The following EPSTI1 variants were observed in gnomAD, a reference collection of about 807,000 sequenced individuals.
EPSTI1 encodes the protein epithelial stromal interaction 1.
EPSTI1 carries 66 observed loss-of-function variants against 49.9 expected under a neutral mutation model. That is an observed-to-expected ratio of 1.32 (90% CI 1.08 to 1.62). The LOEUF (loss-of-function observed/expected upper bound fraction) is 1.62. Ranked by LOEUF, EPSTI1 falls within the 40% of genes most tolerant of loss-of-function variation. EPSTI1 has a pLI of 0.00. For synonymous variants in EPSTI1, 137 were observed against 130.7 expected, an observed-to-expected ratio of 1.05 and a Z score of -0.33; for missense variants, 394 against 365.5, an observed-to-expected ratio of 1.08 and a Z score of -0.64.
intron 5 of EPSTI1, among the ~76,000 whole-genome samples, chr13:42,958,810 T>C (rs1359183): frequency 0.55 from 83,184 of 151,612 alleles, 23,547 homozygotes; most frequent in East Asian, 0.76. Context: ...ATGCTGGGCA[T>C]TGGGCATTGT....
chr13:42,918,991 GAGA>G (rs906097409), intron 7 of EPSTI1, among the ~76,000 whole-genome samples: 3 of 152,044 alleles, frequency 2.0e-5, no homozygotes, highest in African/African-American at 7.2e-5. Flanking sequence ...AAGGAAAGGA[GAGA>G]AGAAGAAAGG....
intron 1 of EPSTI1, among the ~76,000 whole-genome samples, chr13:42,982,598 G>A (rs965414644): frequency 1.3e-5 from 2 of 152,166 alleles, no homozygotes; most frequent in Non-Finnish European, 2.9e-5. Flanking sequence ...TGTCATTTGT[G>A]AAAAGCAGCA....
intron 5 of EPSTI1, 96 bp downstream of exon 5, chr13:42,963,159 G>A (rs201249890): frequency 3.1e-6 from 3 of 962,854 alleles, no homozygotes; most frequent in Admixed American, 2.3e-5. Context: ...GAGAGAGAAA[G>A]ATGGATAAAT....
intron 9 of EPSTI1, among the ~76,000 whole-genome samples, chr13:42,895,504 G>A (rs1316689124): frequency 2.6e-5 from 4 of 152,186 alleles, no homozygotes; most frequent in Non-Finnish European, 5.9e-5. Flanking sequence ...TAGCTCTATG[G>A]CATTATTGTT....
intron 6 of EPSTI1, among the ~76,000 whole-genome samples, chr13:42,931,625 A>C (rs1227933117): frequency 6.6e-6 from 1 of 152,196 alleles, no homozygotes; most frequent in African/African-American, 2.4e-5. Context: ...TTTGGTGTTT[A>C]TGTTTTTTAA....
chr13:42,963,618 G>GGT (rs1006184444), intron 4 of EPSTI1: 9 of 417,658 alleles, frequency 2.2e-5, no homozygotes, highest in African/African-American at 4.2e-5. Context: ...ATGTGTGTGT[G>GGT]GTGTGTGTGT....
In EPSTI1 at chr13:42,917,615, A is replaced by C; in HGVS notation, c.667T>G (p.Trp223Gly). ...GPQSSTWARS[W>G]AYRDSLKAEE... is the part of the protein sequence containing the mutation. ...GCCTTTAGAGAATCTCTGTAAGCCC[A>C]GCTTCTGGCCTGTAAAGGTACAAAG... The change falls in exon 8 of 11, where the codon TGG (tryptophan) becomes GGG (glycine). Residue 223 changes from tryptophan to glycine, a missense_variant. Physicochemically the swap from Trp to Gly is radical, Grantham distance 184. Coordinates refer to ENST00000313624, the MANE Select transcript of EPSTI1 (RefSeq NM_033255.5). 1.1e-6 allele frequency: 1 copy of C among 932,398 alleles called. No homozygotes were observed. The allele number at this position is 932,398 out of a possible 1,614,324, so 57.8% of individuals were successfully genotyped here.
At chr13:42,911,242 A>AGTGT (rs1416712540) in intron 8 of EPSTI1, among the ~76,000 whole-genome samples, 3 of 122,068 alleles carry the variant, frequency 2.5e-5, no homozygotes, top group Admixed American at 8.5e-5. Context: ...GGAGAGAGAG[A>AGTGT]GAGTGTGTGT....
At chr13:42,911,661 C>T (rs983038697) in intron 8 of EPSTI1, among the ~76,000 whole-genome samples, 1 of 152,084 alleles carries the variant, frequency 6.6e-6, no homozygotes, top group Non-Finnish European at 1.5e-5. Flanking sequence ...TGGTTCTAGT[C>T]CCTCATTTCT....
intron 8 of EPSTI1, among the ~76,000 whole-genome samples, chr13:42,914,882 A>T (rs1284882850): frequency 6.6e-6 from 1 of 152,224 alleles, no homozygotes; most frequent in Non-Finnish European, 1.5e-5. Context: ...AAGAGGAATT[A>T]CAAATAAGTT....
chr13:42,917,434 G>T, intron 8 of EPSTI1, 107 bp downstream of exon 8: 1 of 995,528 alleles, frequency 1.0e-6, no homozygotes. Context: ...TTGTATTCTT[G>T]TTTTCAGGAT....
chr13:42,908,234 C>G (rs1403347090), intron 8 of EPSTI1, among the ~76,000 whole-genome samples: 1 of 152,086 alleles, frequency 6.6e-6, no homozygotes, highest in Non-Finnish European at 1.5e-5. Context: ...GCCTGTAATC[C>G]CCACCCTTTG....
At chr13:42,902,526 G>T (rs994294796) in intron 8 of EPSTI1, among the ~76,000 whole-genome samples, 4 of 152,036 alleles carry the variant, frequency 2.6e-5, no homozygotes, top group African/African-American at 9.7e-5. Context: ...TTGGCTTATG[G>T]CTTTTTAAAA....
intron 10 of EPSTI1, among the ~76,000 whole-genome samples, chr13:42,892,226 C>T (rs2153408195): frequency 6.6e-6 from 1 of 152,332 alleles, no homozygotes; most frequent in South Asian, 2.1e-4. Context: ...TCGGCTTTTA[C>T]TCCAAGTGAT....
intron 1 of EPSTI1, among the ~76,000 whole-genome samples, chr13:42,981,173 C>T (rs1329837673): frequency 2.0e-5 from 3 of 152,128 alleles, no homozygotes; most frequent in Non-Finnish European, 4.4e-5. Context: ...CATCATCAGC[C>T]GATTCTCTGA....
rs570214392 is a variant in EPSTI1 at position 42,970,698 on chromosome 13, A to T, written c.189-28T>A. 5.7e-6 allele frequency: 9 copies of T among 1,585,146 alleles called. No homozygotes were observed. The South Asian group carries it at 1.0e-4, about 18-fold the overall frequency. ...AAAAGGAAGAGAAAAAAAAATGCTTATTACCATGAGAAACTACCAATGCAT... is the reference window on the plus strand; with the variant it reads ...AAAAGGAAGAGAAAAAAAAATGCTTTTTACCATGAGAAACTACCAATGCAT... On this transcript the variant is annotated intron_variant, in intron 1 of 10. Coordinates refer to ENST00000313624, the MANE Select transcript of EPSTI1 (RefSeq NM_033255.5).
chr13:42,950,528 C>T (rs763695403), intron 6 of EPSTI1, among the ~76,000 whole-genome samples: 4 of 152,120 alleles, frequency 2.6e-5, no homozygotes, highest in Non-Finnish European at 4.4e-5. Context: ...AGCAAATGAA[C>T]GAAGTCAAGA....
At chr13:42,931,482 G>T (rs2038370509) in intron 6 of EPSTI1, among the ~76,000 whole-genome samples, 2 of 152,150 alleles carry the variant, frequency 1.3e-5, no homozygotes, top group African/African-American at 4.8e-5. Flanking sequence ...TGGGATTACA[G>T]GCGTGAGCCA....
At chr13:42,989,032 A>ATTTTTTTT (rs74772535) in intron 1 of EPSTI1, among the ~76,000 whole-genome samples, 5 of 96,128 alleles carry the variant, frequency 5.2e-5, no homozygotes, top group African/African-American at 4.7e-5. Flanking sequence ...GATAATTTAA[A>ATTTTTTTT]TTTTTTTTTT....
Sources: allele counts gnomAD v4.1 joint callset (sites outside exome capture counted in the v4.1 genomes callset), GRCh38; gene constraint gnomAD v4.1.1; transcripts MANE v1.5; gene names NCBI Gene and HGNC (gene_info 2026-07-23, HGNC 2026-07-21).